The following CRY1 variants were observed in gnomAD, a reference collection of about 807,000 sequenced individuals.
CRY1 encodes the protein cryptochrome circadian regulator 1, also known as cryptochrome-1.
Under a neutral mutation model 76.0 loss-of-function variants are expected in CRY1, and 45 were observed. That is an observed-to-expected ratio of 0.59 (90% confidence interval 0.47 to 0.76). The LOEUF is 0.76. CRY1 is among the 30% of genes least tolerant of loss of function. CRY1 has a pLI of 0.00. For missense variants in CRY1, 587 were observed against 716.4 expected, an observed-to-expected ratio of 0.82 and a Z score of 2.06; for synonymous variants, 248 against 244.0, an observed-to-expected ratio of 1.02 and a Z score of -0.15.
At chr12:107,002,789 C>T (rs1014243800) in intron 3 of CRY1, among the ~76,000 whole-genome samples, 4 of 152,136 alleles carry the variant, frequency 2.6e-5, no homozygotes, top group African/African-American at 4.8e-5. Context: ...AGGTCTTTCC[C>T]GTGCTGTTCT....
intron 1 of CRY1, among the ~76,000 whole-genome samples, chr12:107,067,876 G>T (rs1270538214): frequency 6.6e-6 from 1 of 152,192 alleles, no homozygotes; most frequent in African/African-American, 2.4e-5. Flanking sequence ...AAGGCAGTCA[G>T]TTCCTAACTA....
intron 2 of CRY1, among the ~76,000 whole-genome samples, chr12:107,009,563 C>CATAT (rs869185018): frequency 0.024 from 2,149 of 90,282 alleles, 50 homozygotes; most frequent in Non-Finnish European, 0.029. Flanking sequence ...AACAAAAAAA[C>CATAT]ATATATATAT....
intron 2 of CRY1, among the ~76,000 whole-genome samples, chr12:107,014,227 G>A (rs1453746636): frequency 2.6e-5 from 4 of 152,150 alleles, no homozygotes; most frequent in African/African-American, 9.7e-5. Context: ...TGGTAGGTAT[G>A]GGCTAACCAG....
chr12:107,007,609 A>G (rs1371775440), intron 2 of CRY1, among the ~76,000 whole-genome samples: 1 of 151,582 alleles, frequency 6.6e-6, no homozygotes, highest in Non-Finnish European at 1.5e-5. Flanking sequence ...AGCTCATTGC[A>G]ACCTCAGACT....
At chr12:107,088,661 C>A (rs1463855528) in intron 1 of CRY1, among the ~76,000 whole-genome samples, 1 of 152,168 alleles carries the variant, frequency 6.6e-6, no homozygotes, top group African/African-American at 2.4e-5. Context: ...ACTACCTAGT[C>A]TAAAGGTATT....
intron 1 of CRY1, among the ~76,000 whole-genome samples, chr12:107,070,254 T>C (rs1289455213): frequency 2.0e-5 from 3 of 152,104 alleles, no homozygotes; most frequent in Admixed American, 2.0e-4. Flanking sequence ...ACAGATATAA[T>C]ATGGTAAAGG....
At chr12:107,067,851 T>C (rs1358794357) in intron 1 of CRY1, among the ~76,000 whole-genome samples, 1 of 152,216 alleles carries the variant, frequency 6.6e-6, no homozygotes, top group Non-Finnish European at 1.5e-5. Flanking sequence ...CAACCGAGGA[T>C]GTTCCATGGG....
At chr12:107,009,943 T>A (rs890105778) in intron 2 of CRY1, among the ~76,000 whole-genome samples, 4 of 151,970 alleles carry the variant, frequency 2.6e-5, no homozygotes, top group Non-Finnish European at 5.9e-5. Flanking sequence ...TCTGAAAGAG[T>A]TTAATTTAAG....
intron 1 of CRY1, among the ~76,000 whole-genome samples, chr12:107,070,471 A>T (rs1953175076): frequency 6.6e-6 from 1 of 152,278 alleles, no homozygotes; most frequent in East Asian, 1.9e-4. Flanking sequence ...TTAGAATATA[A>T]CCACAATGTA....
At chr12:107,087,962 C>T (rs779102613) in intron 1 of CRY1, among the ~76,000 whole-genome samples, 2 of 152,044 alleles carry the variant, frequency 1.3e-5, no homozygotes, top group African/African-American at 4.8e-5. Context: ...CTGCTTGAGC[C>T]CAGGTGGTTG....
chr12:107,024,762 C>G (rs776159127), intron 1 of CRY1, among the ~76,000 whole-genome samples: 8 of 152,092 alleles, frequency 5.3e-5, no homozygotes, highest in Non-Finnish European at 1.0e-4. Flanking sequence ...GTTTTGAAAC[C>G]TAAGAATTAA....
At chr12:107,029,001 A>T (rs181023691) in intron 1 of CRY1, among the ~76,000 whole-genome samples, 1 of 152,344 alleles carries the variant, frequency 6.6e-6, no homozygotes, top group African/African-American at 2.4e-5. Context: ...ATTATGAATA[A>T]GTTTTTCACT....
intron 1 of CRY1, among the ~76,000 whole-genome samples, chr12:107,040,472 G>C (rs1457905154): frequency 6.6e-6 from 1 of 151,646 alleles, no homozygotes; most frequent in Non-Finnish European, 1.5e-5. Flanking sequence ...ATTTAGTAGA[G>C]ATGGAGTTTC....
chr12:107,006,057 T>C (rs1057507727), intron 2 of CRY1, among the ~76,000 whole-genome samples: 2 of 152,140 alleles, frequency 1.3e-5, no homozygotes, highest in African/African-American at 4.8e-5. Context: ...ACCTCCAGAT[T>C]AGACAAGGGC....
intron 1 of CRY1, among the ~76,000 whole-genome samples, chr12:107,038,881 T>G (rs1952766278): frequency 6.6e-6 from 1 of 152,186 alleles, no homozygotes; most frequent in African/African-American, 2.4e-5. Flanking sequence ...GACAAAACTC[T>G]CAGCTCCTAG....
chr12:107,030,026 G>A (rs1952658548), intron 1 of CRY1, among the ~76,000 whole-genome samples: 1 of 152,140 alleles, frequency 6.6e-6, no homozygotes. Flanking sequence ...GATAAGGAAG[G>A]AGAATTATTG....
intron 1 of CRY1, among the ~76,000 whole-genome samples, chr12:107,090,460 C>T (rs1188178253): frequency 6.6e-6 from 1 of 152,184 alleles, no homozygotes; most frequent in Admixed American, 6.5e-5. Context: ...CCTTCGCAGT[C>T]TCATATGCTG....
intron 1 of CRY1, among the ~76,000 whole-genome samples, chr12:107,080,820 T>C (rs1031404044): frequency 6.6e-6 from 1 of 152,012 alleles, no homozygotes; most frequent in African/African-American, 2.4e-5. Flanking sequence ...CAGCCACTAT[T>C]AGACATCTTG....
intron 1 of CRY1, among the ~76,000 whole-genome samples, chr12:107,032,616 G>A (rs535878706): frequency 6.6e-6 from 1 of 152,116 alleles, no homozygotes; most frequent in Non-Finnish European, 1.5e-5. Flanking sequence ...CAGAGCCCAC[G>A]AGTTCTAGAC....
Sources: allele counts gnomAD v4.1 joint callset (sites outside exome capture counted in the v4.1 genomes callset), GRCh38; gene constraint gnomAD v4.1.1; transcripts MANE v1.5; gene names NCBI Gene and HGNC (gene_info 2026-07-23, HGNC 2026-07-21).